Variants in ATXN10 observed in about 807,000 individuals in gnomAD.
ATXN10 encodes the protein ataxin-10.
A neutral mutation model predicts 52.9 loss-of-function variants in ATXN10; 28 were observed. That is an observed-to-expected ratio of 0.53 (90% CI 0.39 to 0.73). The LOEUF is 0.73. Among genes scored for constraint, ATXN10 ranks in the 30% least tolerant of loss-of-function variants. The pLI is 0.00. For missense variants in ATXN10, 565 were observed against 577.0 expected (o/e 0.98, Z 0.21); for synonymous variants, 226 against 221.5 (o/e 1.02, Z -0.18).
chr22:45,751,352 A>G (rs1343411028), intron 9 of ATXN10, among the ~76,000 whole-genome samples: 1 of 152,150 alleles, frequency 6.6e-6, no homozygotes, highest in Non-Finnish European at 1.5e-5. Context: ...GTAAAACGTT[A>G]GCATTGGATC....
At position 45,684,735 on chromosome 22, in the gene ATXN10, G is replaced by A. The variant is rs913969425; in HGVS notation, c.117-4977G>A. ...ATGGATTGGTCTGGGTTGTCAGGAC[G>A]GCTTCGGAATCCTGGATGTGACAGA... On this transcript the variant is annotated intron_variant, in intron 1 of 11. Coordinates refer to ENST00000252934, the MANE Select transcript of ATXN10 (RefSeq NM_013236.4). This position sits in a 1 kb window ranked among gnomAD's most constrained non-coding sequence, Gnocchi z 4.1. Among the ~76,000 whole-genome samples, 8 of 152,176 alleles carry A rather than the reference G, an allele frequency of 5.3e-5. No individual in the cohort carries two copies. Among genetic ancestry groups the A allele is most frequent in the Admixed American group, 2.0e-4 (3 of 15,284 alleles).
At chr22:45,802,432 T>C (rs1927960182) in intron 9 of ATXN10, among the ~76,000 whole-genome samples, 1 of 152,234 alleles carries the variant, frequency 6.6e-6, no homozygotes, top group Non-Finnish European at 1.5e-5. Context: ...AAAAACAAAA[T>C]TGTATCGTCA....
In ATXN10 at chr22:45,737,873, A is replaced by AT. The variant is rs923118114; in HGVS notation, c.895-849dup. Among the ~76,000 whole-genome samples the AT allele has an allele frequency of 1.9e-4, 29 of 149,690 alleles. No homozygotes were observed. In the South Asian group the frequency reaches 2.5e-3, roughly 13 times the overall value. The stretch of plus-strand genomic sequence containing the variant: ...ACCACCAAGCGTGGCTAATTTTTAT[A>AT]TTTTTTTTTACTAGAGACGGGATTT... On this transcript the variant is annotated intron_variant, in intron 7 of 11. Coordinates refer to ENST00000252934, the MANE Select transcript of ATXN10 (RefSeq NM_013236.4).
At chr22:45,746,155 G>A (rs1246678043) in intron 9 of ATXN10, among the ~76,000 whole-genome samples, 1 of 151,722 alleles carries the variant, frequency 6.6e-6, no homozygotes, top group African/African-American at 2.4e-5. Context: ...TCTGAATGCG[G>A]TTTTTTCATT....
intron 9 of ATXN10, 111 bp from the exon 10 acceptor site, chr22:45,806,848 C>A: frequency 3.6e-6 from 3 of 830,372 alleles, no homozygotes; most frequent in Admixed American, 3.7e-5. Flanking sequence ...GATAATAGTG[C>A]AAACAATATT....
intron 3 of ATXN10, among the ~76,000 whole-genome samples, chr22:45,694,384 G>A (rs1432006890): frequency 6.6e-6 from 1 of 151,880 alleles, no homozygotes; most frequent in Non-Finnish European, 1.5e-5. Flanking sequence ...GGGTGCCGTG[G>A]CTCATGCCTG....
chr22:45,753,703 A>G (rs1926075056), intron 9 of ATXN10, among the ~76,000 whole-genome samples: 1 of 151,972 alleles, frequency 6.6e-6, no homozygotes, highest in African/African-American at 2.4e-5. Context: ...CACTGCGCCC[A>G]TCTCAGTTTT....
chr22:45,702,622 T>TA (rs1293085508), intron 4 of ATXN10, 67 bp from the exon 5 acceptor site: 2 of 1,463,616 alleles, frequency 1.4e-6, no homozygotes, highest in African/African-American at 2.8e-5. Flanking sequence ...ACAATGGTAT[T>TA]ACTGTTATTT....
chr22:45,679,694 T>A (rs1256286476), intron 1 of ATXN10: 1 of 152,218 alleles, frequency 6.6e-6, no homozygotes, highest in East Asian at 1.9e-4. Flanking sequence ...TCAACTTTGT[T>A]GAGAGAGAAC....
At chr22:45,796,909 A>C (rs1927761222) in intron 9 of ATXN10, among the ~76,000 whole-genome samples, 1 of 152,240 alleles carries the variant, frequency 6.6e-6, no homozygotes, top group African/African-American at 2.4e-5. Flanking sequence ...CCATGTAAAC[A>C]CTTATAAGAA....
intron 10 of ATXN10, among the ~76,000 whole-genome samples, chr22:45,810,467 C>T (rs971716282): frequency 1.3e-5 from 2 of 152,196 alleles, no homozygotes; most frequent in African/African-American, 2.4e-5. Flanking sequence ...CATGCACATA[C>T]ATGTATATAC....
In ATXN10 at chr22:45,843,676, A is replaced by G; in HGVS notation, c.*5A>G. 6.2e-7 allele frequency: 1 copy of G among 1,611,944 alleles called. No homozygotes were observed. Among genetic ancestry groups the G allele is most frequent in the Non-Finnish European group, 8.5e-7 (1 of 1,178,588 alleles). ...TTCTTTCTTCTTCTTTAGTGAATGA[A>G]CTACATCCAAATACCTGAATTTTTG... On this transcript the variant is annotated 3_prime_UTR_variant, in exon 12 of 12. Coordinates refer to ENST00000252934, the MANE Select transcript of ATXN10 (RefSeq NM_013236.4). This position sits in a 1 kb window ranked among gnomAD's most constrained non-coding sequence, Gnocchi z 4.5.
chr22:45,784,208 G>T lies in ATXN10; in HGVS notation c.1174-22751G>T, dbSNP rs1319318891. On this transcript the variant is annotated intron_variant, in intron 9 of 11. Coordinates refer to ENST00000252934, the MANE Select transcript of ATXN10 (RefSeq NM_013236.4). The surrounding 1 kb of genome is among the most constrained non-coding windows in gnomAD (Gnocchi z 4.2). ...AAAAAAATGTACATTTTTAAATTAG[G>T]CAGATCTGGGCTTTGCCACTCATTA... Among the ~76,000 whole-genome samples, 1 of 151,982 alleles carries T rather than the reference G, an allele frequency of 6.6e-6. No homozygotes were observed. The highest frequency in any genetic ancestry group is 1.5e-5 in the Non-Finnish European group (1 of 68,018).
At position 45,819,921 on chromosome 22, in the gene ATXN10, C is replaced by T. The variant is rs1195998473; in HGVS notation, c.1237+12899C>T. Among the ~76,000 whole-genome samples, 1 of 152,160 alleles carries T rather than the reference C, an allele frequency of 6.6e-6. No homozygotes were observed. Among genetic ancestry groups the T allele is most frequent in the African/African-American group, 2.4e-5 (1 of 41,422 alleles). On this transcript the variant is annotated intron_variant, in intron 10 of 11. Coordinates refer to ENST00000252934, the MANE Select transcript of ATXN10 (RefSeq NM_013236.4). This position sits in a 1 kb window ranked among gnomAD's most constrained non-coding sequence, Gnocchi z 4.5. ...GTAGCCAAAGTTTGGCATAAAGGAACATGTTCCAGTAACCCTGATAATTGT... is the reference window on the plus strand; with the variant it reads ...GTAGCCAAAGTTTGGCATAAAGGAATATGTTCCAGTAACCCTGATAATTGT...
intron 9 of ATXN10, among the ~76,000 whole-genome samples, chr22:45,779,341 A>G (rs564030188): frequency 2.7e-4 from 41 of 152,340 alleles, no homozygotes; most frequent in African/African-American, 9.4e-4. Context: ...GTTGGACCAC[A>G]TAGTCACTGA....
At chr22:45,771,459 C>T (rs1200914337) in intron 9 of ATXN10, among the ~76,000 whole-genome samples, 2 of 149,184 alleles carry the variant, frequency 1.3e-5, no homozygotes, top group African/African-American at 2.5e-5. Context: ...CTCTGTTGCC[C>T]AGGCTGGAGT....
chr22:45,680,690 C>G (rs1235168994), intron 1 of ATXN10, among the ~76,000 whole-genome samples: 2 of 151,782 alleles, frequency 1.3e-5, no homozygotes, highest in Non-Finnish European at 2.9e-5. Flanking sequence ...TCTTGAACTC[C>G]TGGGCTCAAG....
rs777883899 is a variant in ATXN10 at position 45,718,497 on chromosome 22, A to AC, written c.728+10dup. The AC allele has an allele frequency of 2.7e-5, 43 of 1,612,250 alleles. No individual in the cohort carries two copies. Among genetic ancestry groups the AC allele is most frequent in the Non-Finnish European group, 3.4e-5 (40 of 1,178,486 alleles). On this transcript the variant is annotated splice_donor_region_variant and intron_variant, in intron 6 of 11. Coordinates refer to ENST00000252934, the MANE Select transcript of ATXN10 (RefSeq NM_013236.4). This position sits in a 1 kb window ranked among gnomAD's most constrained non-coding sequence, Gnocchi z 4.4. ...CCAAACTGAACAATCAAGAAAGGTA[A>AC]CCCCCCAACCAGCGTGGTCTGGAGT...
At position 45,823,060 on chromosome 22, in the gene ATXN10, A is replaced by G. The variant is rs1432296148; in HGVS notation, c.1237+16038A>G. On this transcript the variant is annotated intron_variant, in intron 10 of 11. Coordinates refer to ENST00000252934, the MANE Select transcript of ATXN10 (RefSeq NM_013236.4). This position sits in a 1 kb window ranked among gnomAD's most constrained non-coding sequence, Gnocchi z 4.9. ...TGGTGTCTTATTATTTCATTGAGGT[A>G]TAACTTAAATAGAGTAAACTGCAAA... 1.2e-5 allele frequency: 5 copies of G among 413,304 alleles called. No homozygotes were observed. In the East Asian group the frequency reaches 3.9e-4, roughly 33 times the overall value. 25.6% of individuals were successfully genotyped at this position (413,304 alleles called of 1,614,324 possible).
Sources: allele counts gnomAD v4.1 joint callset (sites outside exome capture counted in the v4.1 genomes callset), GRCh38; gene constraint gnomAD v4.1.1; non-coding constraint Gnocchi (gnomAD v3.1); transcripts MANE v1.5; gene names NCBI Gene and HGNC (gene_info 2026-07-23, HGNC 2026-07-21).